Variants in NTNG1 observed in about 807,000 individuals in gnomAD.
NTNG1 encodes the protein netrin G1, also known as netrin-G1.
Under a neutral mutation model 54.0 loss-of-function variants are expected in NTNG1, and 16 were observed. The ratio of observed to expected loss-of-function variants is 0.30; its 90% CI spans 0.20 to 0.45. The LOEUF (loss-of-function observed/expected upper bound fraction) is 0.45. Ranked by LOEUF, NTNG1 falls within the 20% of genes least tolerant of loss-of-function variation. The probability of loss-of-function intolerance (pLI) is 1.00; values close to 1 mark genes in which losing one functional copy is unlikely to be tolerated. For missense variants in NTNG1, 530 were observed against 678.7 expected, an observed-to-expected ratio of 0.78 and a Z score of 2.43; for synonymous variants, 255 against 263.1, an observed-to-expected ratio of 0.97 and a Z score of 0.30.
At chr1:107,356,564 G>A (rs1669947803) in intron 3 of NTNG1, among the ~76,000 whole-genome samples, 1 of 152,116 alleles carries the variant, frequency 6.6e-6, no homozygotes, top group African/African-American at 2.4e-5. Context: ...AAAGTGCTGG[G>A]ATTACAGGTG....
At chr1:107,442,677 AAGG>A (rs1222996468) in intron 7 of NTNG1, among the ~76,000 whole-genome samples, 1 of 152,168 alleles carries the variant, frequency 6.6e-6, no homozygotes, top group Non-Finnish European at 1.5e-5. Context: ...ACAAAGATCA[AAGG>A]AGGTTATAGT....
At chr1:107,353,401 G>A (rs953878387) in intron 3 of NTNG1, among the ~76,000 whole-genome samples, 17 of 152,092 alleles carry the variant, frequency 1.1e-4, no homozygotes, top group African/African-American at 2.4e-4. Context: ...AGGGCACAAC[G>A]CAGTCAACAT....
At chr1:107,299,272 T>C (rs1203939611) in intron 2 of NTNG1, among the ~76,000 whole-genome samples, 1 of 151,864 alleles carries the variant, frequency 6.6e-6, no homozygotes, top group Non-Finnish European at 1.5e-5. Flanking sequence ...TGAACAAGAG[T>C]GGTGTCTGAT....
intron 2 of NTNG1, among the ~76,000 whole-genome samples, chr1:107,174,988 G>GT (rs1656534297): frequency 2.0e-5 from 3 of 152,048 alleles, no homozygotes; most frequent in Non-Finnish European, 4.4e-5. Flanking sequence ...TTATTGATTT[G>GT]ATCATTGTAT....
At position 107,468,769 on chromosome 1, in the gene NTNG1, A is replaced by G. The variant is rs764947164; in HGVS notation, c.1391-11842A>G. Among the ~76,000 whole-genome samples the G allele has an allele frequency of 1.1e-4, 17 of 152,304 alleles. 1 individual carries two copies. Among genetic ancestry groups the G allele is most frequent in the Admixed American group, 3.9e-4 (6 of 15,302 alleles). On this transcript the variant is annotated intron_variant, in intron 7 of 7. Transcript: ENST00000370068. The stretch of plus-strand genomic sequence containing the variant: ...CCTTTGTGTTGCTAGCAATGCCCAG[A>G]TTATAATAAGAGCTAATACATTTTG...
At chr1:107,378,066 C>A (rs988879689) in intron 3 of NTNG1, among the ~76,000 whole-genome samples, 1 of 152,180 alleles carries the variant, frequency 6.6e-6, no homozygotes, top group Non-Finnish European at 1.5e-5. Context: ...AAATAAATGT[C>A]CCTATTTAAT....
At chr1:107,284,672 A>G (rs1256055736) in intron 2 of NTNG1, among the ~76,000 whole-genome samples, 1 of 152,138 alleles carries the variant, frequency 6.6e-6, no homozygotes, top group African/African-American at 2.4e-5. Context: ...TTTTTAAAAA[A>G]TATGCATAAG....
intron 2 of NTNG1, among the ~76,000 whole-genome samples, chr1:107,197,583 A>G (rs1207590296): frequency 6.6e-6 from 1 of 151,978 alleles, no homozygotes; most frequent in African/African-American, 2.4e-5. Flanking sequence ...CGACACTCAG[A>G]GAGTTCAACA....
At position 107,313,612 on chromosome 1, in the gene NTNG1, C is replaced by T. The variant is rs544571179; in HGVS notation, c.247-10670C>T. 1.1e-4 allele frequency among the ~76,000 whole-genome samples: 17 copies of T among 152,068 alleles called. No homozygotes were observed. The South Asian group carries it at 3.5e-3, about 32-fold the overall frequency. On this transcript the variant is annotated intron_variant, in intron 2 of 7. Coordinates refer to ENST00000370068, the MANE Select transcript of NTNG1 (RefSeq NM_001113226.3). ...AAAGGGTGAGAAGACCACGGGTGCA[C>T]ATTGATTTTAAGAATCTAAAATAAG...
intron 3 of NTNG1, 35 bp downstream of exon 3, chr1:107,324,957 G>A (rs369580747): frequency 6.4e-7 from 1 of 1,562,964 alleles, no homozygotes; most frequent in Non-Finnish European, 8.7e-7. Context: ...AATGGGAACG[G>A]GTGTGTCCAA....
chr1:107,407,614 T>C, intron 4 of NTNG1, 68 bp from the exon 5 acceptor site: 2 of 1,277,744 alleles, frequency 1.6e-6, no homozygotes, highest in South Asian at 2.7e-5. Flanking sequence ...GATTTTTATA[T>C]TAAGTTAAAG....
chr1:107,213,521 G>T (rs1166363640), intron 2 of NTNG1, among the ~76,000 whole-genome samples: 1 of 151,914 alleles, frequency 6.6e-6, no homozygotes, highest in Non-Finnish European at 1.5e-5. Flanking sequence ...TACCTACTAA[G>T]CTCCCCAACC....
chr1:107,300,119 T>A (rs961748372), intron 2 of NTNG1, among the ~76,000 whole-genome samples: 86 of 152,280 alleles, frequency 5.6e-4, no homozygotes, highest in African/African-American at 2.0e-3. Context: ...GAGGCATATT[T>A]GCCCCTAAAG....
chr1:107,373,183 G>C (rs976236622), intron 3 of NTNG1, among the ~76,000 whole-genome samples: 2 of 151,694 alleles, frequency 1.3e-5, no homozygotes, highest in African/African-American at 4.8e-5. Context: ...CATTTGTTGG[G>C]ATTAATGGAA....
At chr1:107,306,939 T>C (rs972114279) in intron 2 of NTNG1, among the ~76,000 whole-genome samples, 5 of 152,218 alleles carry the variant, frequency 3.3e-5, no homozygotes, top group African/African-American at 1.2e-4. Flanking sequence ...TTTCTCAAAC[T>C]TGATTCAGCT....
At chr1:107,411,985 G>A (rs1424725346) in intron 5 of NTNG1, among the ~76,000 whole-genome samples, 1 of 152,144 alleles carries the variant, frequency 6.6e-6, no homozygotes, top group Non-Finnish European at 1.5e-5. Context: ...CTACTTAAAT[G>A]TCTTTTTAAA....
intron 2 of NTNG1, among the ~76,000 whole-genome samples, chr1:107,250,721 C>T (rs1228193242): frequency 4.0e-4 from 2 of 5,016 alleles, no homozygotes; most frequent in East Asian, 2.2e-3. Flanking sequence ...GCAAGAGGGT[C>T]GGCCCTGCGT....
chr1:107,281,888 C>T (rs1373944988), intron 2 of NTNG1, among the ~76,000 whole-genome samples: 1 of 151,896 alleles, frequency 6.6e-6, no homozygotes, highest in African/African-American at 2.4e-5. Context: ...CACATTTTGT[C>T]AAAAAAAGAT....
chr1:107,466,111 A>C lies in NTNG1; in HGVS notation c.1391-14500A>C, dbSNP rs72989712. Among the ~76,000 whole-genome samples, 418 of 152,286 alleles carry C rather than the reference A, an allele frequency of 2.7e-3. 6 individuals are homozygous for C. Among genetic ancestry groups the C allele is most frequent in the African/African-American group, 9.3e-3 (386 of 41,552 alleles). On this transcript the variant is annotated intron_variant, in intron 7 of 7. Coordinates refer to ENST00000370068, the MANE Select transcript of NTNG1 (RefSeq NM_001113226.3). ...TGCAGTTAGCAGTGGGGAGATTCTG[A>C]ACACACTGTTGGGAGGTCCTGACTA...
Sources: allele counts gnomAD v4.1 joint callset (sites outside exome capture counted in the v4.1 genomes callset), GRCh38; gene constraint gnomAD v4.1.1; transcripts MANE v1.5; gene names NCBI Gene and HGNC (gene_info 2026-07-23, HGNC 2026-07-21).